Variants in STXBP5 observed in about 807,000 individuals in gnomAD.
STXBP5 encodes syntaxin-binding protein 5.
In STXBP5, 50 loss-of-function variants were observed where a neutral mutation model predicts 152.4. The observed-to-expected ratio is 0.33, with a 90% CI of 0.26 to 0.42. The LOEUF is 0.42. Among genes scored for constraint, STXBP5 ranks in the 10% least tolerant of loss-of-function variants. STXBP5 has a pLI of 1.00. For synonymous variants in STXBP5, 492 were observed against 494.7 expected (o/e 0.99, Z 0.07); for missense variants, 1,167 against 1,388.6 (o/e 0.84, Z 2.54).
At chr6:147,353,803 A>G (rs1313545480) in intron 22 of STXBP5, among the ~76,000 whole-genome samples, 1 of 152,154 alleles carries the variant, frequency 6.6e-6, no homozygotes, top group Non-Finnish European at 1.5e-5. Context: ...CATAGCAAGA[A>G]TCATCGTTAC....
intron 2 of STXBP5, among the ~76,000 whole-genome samples, chr6:147,232,402 A>G (rs1021278378): frequency 6.6e-6 from 1 of 151,780 alleles, no homozygotes; most frequent in African/African-American, 2.4e-5. Context: ...TGTCCTTTCT[A>G]TGTTAGTATC....
intron 25 of STXBP5, among the ~76,000 whole-genome samples, chr6:147,369,955 G>T (rs1785467974): frequency 6.6e-6 from 1 of 151,840 alleles, no homozygotes; most frequent in Non-Finnish European, 1.5e-5. Flanking sequence ...AAGGAAATTT[G>T]TATTCATAGC....
chr6:147,265,338 G>A (rs1235820752), intron 6 of STXBP5, among the ~76,000 whole-genome samples: 1 of 151,960 alleles, frequency 6.6e-6, no homozygotes, highest in African/African-American at 2.4e-5. Context: ...TACTGGTTCT[G>A]CCCAAATTTT....
At chr6:147,217,768 A>G (rs139676658) in intron 2 of STXBP5, among the ~76,000 whole-genome samples, 28 of 152,310 alleles carry the variant, frequency 1.8e-4, no homozygotes, top group African/African-American at 5.3e-4. Flanking sequence ...TCACATTAAA[A>G]CAAAAAAGCA....
rs1785942138 is a variant in STXBP5 at position 147,378,953 on chromosome 6, G to T, written c.3194-3825G>T. ...GGGTGTTCCCATGGCTGTGTTTCTT[G>T]TTGGAAGTTTCAGGAGAGAATCCAT... On this transcript the variant is annotated intron_variant, in intron 26 of 27. Transcript: ENST00000321680. 2.0e-5 allele frequency among the ~76,000 whole-genome samples: 3 copies of T among 152,182 alleles called. No individual in the cohort carries two copies. In the South Asian group the frequency reaches 6.2e-4, roughly 32 times the overall value.
chr6:147,219,769 C>G (rs2115079396), intron 2 of STXBP5, among the ~76,000 whole-genome samples: 1 of 141,342 alleles, frequency 7.1e-6, no homozygotes, highest in Non-Finnish European at 1.5e-5. Flanking sequence ...TGTGTCCCCT[C>G]TCCTTTTTCC....
At position 147,389,236 on chromosome 6, in the gene STXBP5, T is replaced by G. The variant is rs1786479785; in HGVS notation, c.*4481T>G. The G allele has an allele frequency of 6.6e-6, 1 of 151,858 alleles. No individual in the cohort carries two copies. The highest frequency in any genetic ancestry group is 1.9e-4 in the East Asian group (1 of 5,162). 9.4% of individuals were successfully genotyped at this position (151,858 alleles called of 1,614,324 possible). ...CTGTGAATATTAATGATTTTACTAC[T>G]GCCTCCGAAGTTTTAAAAAAGGTTC... On this transcript the variant is annotated 3_prime_UTR_variant, in exon 28 of 28. Coordinates refer to ENST00000321680, the MANE Select transcript of STXBP5 (RefSeq NM_001127715.4).
chr6:147,315,595 G>T lies in STXBP5; in HGVS notation c.1483G>T (p.Asp495Tyr). The T allele has an allele frequency of 6.2e-7, 1 of 1,613,810 alleles. No individual in the cohort carries two copies. Among genetic ancestry groups the T allele is most frequent in the South Asian group, 1.1e-5 (1 of 91,070 alleles). Residue 495 changes from aspartate to tyrosine, a missense_variant, in exon 15 of 28, where the codon GAC becomes TAC. By Grantham distance (160) the Asp-to-Tyr change is radical. Transcript: ENST00000321680. ...AAATAAAGATGACAGGCCAAACACA[G>T]ACATTGTAGATGAAGATCCATATGC... Reference protein sequence around the residue: ...SRNKDDRPNTDIVDEDPYAIQ... With the variant: ...SRNKDDRPNTYIVDEDPYAIQ...
chr6:147,273,971 A>G (rs1200482167), intron 7 of STXBP5, among the ~76,000 whole-genome samples: 2 of 151,954 alleles, frequency 1.3e-5, no homozygotes, highest in African/African-American at 4.8e-5. Context: ...AAAAAGTTGA[A>G]ATAATATGTT....
chr6:147,245,573 A>T (rs1282338798), intron 4 of STXBP5, among the ~76,000 whole-genome samples: 1 of 152,154 alleles, frequency 6.6e-6, no homozygotes, highest in Non-Finnish European at 1.5e-5. Flanking sequence ...TACTTTACTT[A>T]CCTGTCCTCT....
At chr6:147,313,860 A>G in intron 11 of STXBP5, 24 bp from the exon 12 acceptor site, 5 of 1,432,946 alleles carry the variant, frequency 3.5e-6, no homozygotes, top group Non-Finnish European at 4.8e-6. Context: ...ATTAATAAAT[A>G]CTTTTCTTTT....
At chr6:147,341,374 A>G (rs1784085783) in intron 21 of STXBP5, among the ~76,000 whole-genome samples, 1 of 152,194 alleles carries the variant, frequency 6.6e-6, no homozygotes, top group Non-Finnish European at 1.5e-5. Flanking sequence ...TGTCAAAAGT[A>G]TTAGGACTTC....
intron 25 of STXBP5, among the ~76,000 whole-genome samples, chr6:147,371,371 T>C (rs1318321762): frequency 1.3e-5 from 2 of 152,142 alleles, no homozygotes; most frequent in Non-Finnish European, 2.9e-5. Context: ...TAAAGATGTC[T>C]GTTCATAATG....
rs34913817 is a variant in STXBP5, at chr6:147,329,617, C to CTTTTTTTTTTT, written c.2080+2357_2080+2367dup. 3.5e-4 allele frequency among the ~76,000 whole-genome samples: 25 copies of CTTTTTTTTTTT among 71,706 alleles called. 8 individuals are homozygous for CTTTTTTTTTTT. The highest frequency in any genetic ancestry group is 3.3e-3 in the Admixed American group (13 of 3,940). 47.0% of individuals were successfully genotyped at this position (71,706 alleles called of 152,430 possible). ...AAATATCATCAAATTGTTCTTCAGG[C>CTTTTTTTTTTT]TTTTTTTTTTTTTTTTTTTTTTTTT... is the stretch of plus-strand genomic sequence containing the variant. On this transcript the variant is annotated intron_variant, in intron 18 of 27. Coordinates refer to ENST00000321680, the MANE Select transcript of STXBP5 (RefSeq NM_001127715.4).
chr6:147,282,897 G>A (rs1780768733), intron 8 of STXBP5, among the ~76,000 whole-genome samples: 1 of 151,968 alleles, frequency 6.6e-6, no homozygotes, highest in Non-Finnish European at 1.5e-5. Flanking sequence ...CTAGACCAGG[G>A]GTGCCTTCCT....
At chr6:147,358,928 G>A (rs1344740639) in intron 22 of STXBP5, among the ~76,000 whole-genome samples, 156 bp from the exon 23 acceptor site, 1 of 152,072 alleles carries the variant, frequency 6.6e-6, no homozygotes, top group East Asian at 1.9e-4. Flanking sequence ...TCAAACCCAT[G>A]TTGTTCAAGG....
chr6:147,349,325 G>A (rs958211466), intron 21 of STXBP5, among the ~76,000 whole-genome samples: 1 of 152,136 alleles, frequency 6.6e-6, no homozygotes. Context: ...GGTTATTCCC[G>A]GAAATGGGAC....
intron 7 of STXBP5, among the ~76,000 whole-genome samples, chr6:147,276,504 T>C (rs1780448825): frequency 6.6e-6 from 1 of 152,162 alleles, no homozygotes. Context: ...CTACATATGA[T>C]ACATATTTAT....
chr6:147,331,238 A>G (rs1208893617), intron 18 of STXBP5, among the ~76,000 whole-genome samples: 3 of 152,258 alleles, frequency 2.0e-5, no homozygotes, highest in Admixed American at 6.5e-5. Context: ...GGAGGTAGCT[A>G]TTGCATTTGA....
Sources: allele counts gnomAD v4.1 joint callset (sites outside exome capture counted in the v4.1 genomes callset), GRCh38; gene constraint gnomAD v4.1.1; transcripts MANE v1.5; gene names NCBI Gene and HGNC (gene_info 2026-07-23, HGNC 2026-07-21).